Variants in GNAS-AS1 observed in about 807,000 individuals in gnomAD.
The protein encoded by GNAS-AS1 is GNAS antisense RNA 1 (non-protein coding).
intron 2 of GNAS-AS1, among the ~76,000 whole-genome samples, chr20:58,848,172 A>C (rs1446834812): frequency 6.6e-6 from 1 of 152,260 alleles, no homozygotes; most frequent in Non-Finnish European, 1.5e-5. Context: ...TTCTTAGTAC[A>C]TCAAGTGCAG....
rs1312712314 is a variant in GNAS-AS1, at chr20:58,850,841, CCCCCACCGGCTTCCAACCA to C, written n.44_62del. 3.3e-5 allele frequency: 13 copies of C among 398,846 alleles called. No homozygotes were observed. In the East Asian group the frequency reaches 4.3e-4, roughly 13 times the overall value. 24.7% of individuals were successfully genotyped at this position (398,846 alleles called of 1,614,324 possible). ...CCAGGCCTAGCCGCCATACACCCGC[CCCCCACCGGCTTCCAACCA>C]CCCCAGCAGCACCTCTTCGGGCGTT... On this transcript the variant is annotated non_coding_transcript_exon_variant, in exon 1 of 5. Coordinates refer to ENST00000424094, the Ensembl canonical transcript of GNAS-AS1.
At chr20:58,849,302 T>C (rs868092557) in intron 1 of GNAS-AS1, among the ~76,000 whole-genome samples, 2 of 152,246 alleles carry the variant, frequency 1.3e-5, no homozygotes, top group South Asian at 4.1e-4. Context: ...CTGAAACCCC[T>C]TCCTCTGGTG....
At chr20:58,848,441 C>T (rs1461542800) in intron 2 of GNAS-AS1, among the ~76,000 whole-genome samples, 4 of 152,226 alleles carry the variant, frequency 2.6e-5, no homozygotes, top group Non-Finnish European at 4.4e-5. Flanking sequence ...GACTTTCCTT[C>T]CTCAGTCCTA....
At chr20:58,827,164 T>G (rs2085526827) in intron 4 of GNAS-AS1, among the ~76,000 whole-genome samples, 1 of 152,134 alleles carries the variant, frequency 6.6e-6, no homozygotes, top group African/African-American at 2.4e-5. Context: ...CTGAGATATA[T>G]TTCACTGAAG....
rs1216550988 is a variant in GNAS-AS1, at chr20:58,841,411, TA to T, written n.819+525del. On this transcript the variant is annotated intron_variant and non_coding_transcript_variant, in intron 4 of 4. Transcript: ENST00000424094. This position sits in a 1 kb window ranked among gnomAD's most constrained non-coding sequence, Gnocchi z 5.0. ...TCTGAATGGGAATGGGCGAGAACTC[TA>T]GAGACTGACCACCCGGGAGGGAAGT... 8.0e-6 allele frequency: 8 copies of T among 995,744 alleles called. No individual in the cohort carries two copies. The highest frequency in any genetic ancestry group is 7.0e-5 in the African/African-American group (4 of 57,536). The allele number at this position is 995,744 out of a possible 1,614,324, so 61.7% of individuals were successfully genotyped here.
intron 4 of GNAS-AS1, among the ~76,000 whole-genome samples, chr20:58,822,415 C>T (rs573919322): frequency 1.3e-5 from 2 of 152,278 alleles, no homozygotes; most frequent in East Asian, 3.9e-4. Context: ...ACCCCAGCTA[C>T]GGTTGTCTAT....
At chr20:58,833,302 C>A (rs1330890261) in intron 4 of GNAS-AS1, among the ~76,000 whole-genome samples, 1 of 152,204 alleles carries the variant, frequency 6.6e-6, no homozygotes, top group East Asian at 1.9e-4. Context: ...CCTGAGGGAA[C>A]TTCTAGACCA....
chr20:58,834,926 G>C (rs1380763756), intron 4 of GNAS-AS1, among the ~76,000 whole-genome samples: 1 of 152,190 alleles, frequency 6.6e-6, no homozygotes, highest in African/African-American at 2.4e-5. Flanking sequence ...TTTGCTTTTA[G>C]CTCTAGATGG....
rs199948732 is a variant in GNAS-AS1, at chr20:58,840,252, A to G, written n.819+1685T>C. ...CTCCTCCGCGCCCTTGCCACCTCCAACGCCCGTGCCCAGCAGCGCGCGGCT... is the reference window on the plus strand; with the variant it reads ...CTCCTCCGCGCCCTTGCCACCTCCAGCGCCCGTGCCCAGCAGCGCGCGGCT... On this transcript the variant is annotated intron_variant and non_coding_transcript_variant, in intron 4 of 4. Coordinates refer to ENST00000424094, the Ensembl canonical transcript of GNAS-AS1. The surrounding 1 kb of genome is among the most constrained non-coding windows in gnomAD (Gnocchi z 6.0). The G allele has an allele frequency of 5.0e-5, 81 of 1,610,904 alleles. No individual in the cohort carries two copies. The highest frequency in any genetic ancestry group is 6.4e-5 in the Non-Finnish European group (75 of 1,179,702).
chr20:58,844,058 C>T (rs564327261), intron 2 of GNAS-AS1: 2 of 152,194 alleles, frequency 1.3e-5, no homozygotes, highest in Non-Finnish European at 2.9e-5. Context: ...AGGAAGAAAG[C>T]TGAAACTTCA....
Position 58,840,694 on chromosome 20 carries a change from C to G in GNAS-AS1, n.819+1243G>C, listed in dbSNP as rs758925149. 5 of 1,603,872 alleles carry G rather than the reference C, an allele frequency of 3.1e-6. No homozygotes were observed. Among genetic ancestry groups the G allele is most frequent in the Non-Finnish European group, 4.2e-6 (5 of 1,179,544 alleles). Reference sequence around the variant, plus strand: ...CCAGGGAAGGGGAGGAGCTCAAGCCCGAGGACAAAGATCCAAGGGACCCCG... The same window carrying G: ...CCAGGGAAGGGGAGGAGCTCAAGCCGGAGGACAAAGATCCAAGGGACCCCG... On this transcript the variant is annotated intron_variant and non_coding_transcript_variant, in intron 4 of 4. Transcript: ENST00000424094. This position sits in a 1 kb window ranked among gnomAD's most constrained non-coding sequence, Gnocchi z 6.0.
chr20:58,840,936 G>A lies in GNAS-AS1; in HGVS notation n.819+1001C>T. 1.3e-6 allele frequency: 2 copies of A among 1,597,090 alleles called. No homozygotes were observed. Among genetic ancestry groups the A allele is most frequent in the Non-Finnish European group, 1.7e-6 (2 of 1,169,520 alleles). On this transcript the variant is annotated intron_variant and non_coding_transcript_variant, in intron 4 of 4. Transcript: ENST00000424094. The surrounding 1 kb of genome is among the most constrained non-coding windows in gnomAD (Gnocchi z 6.0). Reference sequence around the variant, plus strand: ...GGAGCCTGAGGGCGGTGTGGGAGCAGCGCAGGTGGAAAGGAGGTGAGAAGG... The same window carrying A: ...GGAGCCTGAGGGCGGTGTGGGAGCAACGCAGGTGGAAAGGAGGTGAGAAGG...
chr20:58,837,816 G>A (rs2085615518), intron 4 of GNAS-AS1, among the ~76,000 whole-genome samples: 1 of 152,246 alleles, frequency 6.6e-6, no homozygotes, highest in Non-Finnish European at 1.5e-5. Context: ...ATGCAGAAAG[G>A]AAAACCTCAA....
rs931294068 is a variant in GNAS-AS1, at chr20:58,841,165, A to G, written n.819+772T>C. 1.1e-4 allele frequency among the ~76,000 whole-genome samples: 16 copies of G among 152,156 alleles called. No homozygotes were observed. The highest frequency in any genetic ancestry group is 3.6e-4 in the African/African-American group (15 of 41,450). ...AGGTCTCCGAGCTGGTGCCCCGGCT[A>G]CGCGACTGAATCCCGAACGCACCCC... On this transcript the variant is annotated intron_variant and non_coding_transcript_variant, in intron 4 of 4. Coordinates refer to ENST00000424094, the Ensembl canonical transcript of GNAS-AS1. The surrounding 1 kb of genome is among the most constrained non-coding windows in gnomAD (Gnocchi z 5.0).
At chr20:58,823,468 T>G (rs1387312036) in intron 4 of GNAS-AS1, among the ~76,000 whole-genome samples, 2 of 152,216 alleles carry the variant, frequency 1.3e-5, no homozygotes, top group East Asian at 3.9e-4. Flanking sequence ...GCCATCTGTA[T>G]GCCTGTGACG....
At chr20:58,834,450 G>A (rs1345237663) in intron 4 of GNAS-AS1, 1 of 149,162 alleles carries the variant, frequency 6.7e-6, no homozygotes, top group African/African-American at 2.5e-5. Context: ...GTGTAGGTCC[G>A]GCTGGGCAGA....
chr20:58,829,784 A>G lies in GNAS-AS1; in HGVS notation n.820-10529T>C, dbSNP rs111374610. The stretch of plus-strand genomic sequence containing the variant: ...TCTTCTGCTGTATACTCAGGGGGAA[A>G]AAAACAAAAGAACATCTTTCTTTTC... On this transcript the variant is annotated intron_variant and non_coding_transcript_variant, in intron 4 of 4. Transcript: ENST00000424094. 8.0e-3 allele frequency among the ~76,000 whole-genome samples: 1,220 copies of G among 152,288 alleles called. 9 individuals carry two copies. Among genetic ancestry groups the G allele is most frequent in the Non-Finnish European group, 0.013 (866 of 68,018 alleles).
intron 4 of GNAS-AS1, among the ~76,000 whole-genome samples, chr20:58,828,172 C>T (rs1238320635): frequency 6.6e-6 from 1 of 152,214 alleles, no homozygotes; most frequent in Non-Finnish European, 1.5e-5. Flanking sequence ...AAACCCTTCC[C>T]GGCTGCCATG....
intron 4 of GNAS-AS1, among the ~76,000 whole-genome samples, chr20:58,819,515 G>T (rs1312228659): frequency 6.6e-6 from 1 of 152,164 alleles, no homozygotes; most frequent in Non-Finnish European, 1.5e-5. Flanking sequence ...TTTCTGATGG[G>T]GGGAGAGCAG....
Sources: allele counts gnomAD v4.1 joint callset (sites outside exome capture counted in the v4.1 genomes callset), GRCh38; gene constraint gnomAD v4.1.1; non-coding constraint Gnocchi (gnomAD v3.1); transcripts MANE v1.5; gene names NCBI Gene and HGNC (gene_info 2026-07-23, HGNC 2026-07-21).